The following MCPH1 variants were observed in gnomAD, a reference collection of about 807,000 sequenced individuals.
The protein encoded by MCPH1 is microcephalin 1.
Under a neutral mutation model 84.5 loss-of-function variants are expected in MCPH1, and 104 were observed. That is an observed-to-expected ratio of 1.23 (90% confidence interval 1.05 to 1.45). MCPH1 has a LOEUF of 1.45. Ranked by LOEUF, MCPH1 falls within the 40% of genes most tolerant of loss-of-function variation. The probability of loss-of-function intolerance (pLI) is 0.00; values close to 1 mark genes in which losing one functional copy is unlikely to be tolerated. For synonymous variants in MCPH1, 514 were observed against 366.8 expected (o/e 1.40, Z -4.58); for missense variants, 1,498 against 1,005.7 (o/e 1.49, Z -6.62).
chr8:6,434,039 G>T (rs1284228801), intron 4 of MCPH1, among the ~76,000 whole-genome samples: 1 of 152,134 alleles, frequency 6.6e-6, no homozygotes, highest in African/African-American at 2.4e-5. Flanking sequence ...GCTTTGTGCA[G>T]ATGTTACTTT....
chr8:6,538,686 C>G (rs778827636), intron 12 of MCPH1, among the ~76,000 whole-genome samples: 6 of 152,202 alleles, frequency 3.9e-5, no homozygotes, highest in Non-Finnish European at 8.8e-5. Flanking sequence ...TTTTGTGTTT[C>G]CTTTTGATAT....
intron 12 of MCPH1, among the ~76,000 whole-genome samples, chr8:6,608,821 A>G (rs1331109040): frequency 2.6e-5 from 4 of 152,210 alleles, no homozygotes; most frequent in Non-Finnish European, 5.9e-5. Context: ...GCAGCCCATT[A>G]GCTTCACCTA....
At chr8:6,599,286 G>A (rs1401465497) in intron 12 of MCPH1, among the ~76,000 whole-genome samples, 2 of 152,182 alleles carry the variant, frequency 1.3e-5, no homozygotes, top group East Asian at 3.8e-4. Flanking sequence ...CGATACCTTT[G>A]GAATTTTTTT....
Position 6,643,700 on chromosome 8 carries a change from TTATC to T in MCPH1, c.*655_*658del, listed in dbSNP as rs1326470573. On this transcript the variant is annotated 3_prime_UTR_variant, in exon 14 of 14. Transcript: ENST00000344683. ...CTTAGACTCGATCTTTATTAATACATTATCTATTAGGTAGGAAAGACATTTGTCA... is the reference window on the plus strand; with the variant it reads ...CTTAGACTCGATCTTTATTAATACATTATTAGGTAGGAAAGACATTTGTCA... 3 of 154,026 alleles carry T rather than the reference TTATC, an allele frequency of 1.9e-5. No homozygotes were observed. The highest frequency in any genetic ancestry group is 7.2e-5 in the African/African-American group (3 of 41,468). The allele number at this position is 154,026 out of a possible 1,614,324, so 9.5% of individuals were successfully genotyped here. A position where few individuals can be genotyped will look rare whatever the true frequency, so the allele number is the denominator to read the frequency against.
At chr8:6,630,352 G>C (rs1050638971) in intron 13 of MCPH1, among the ~76,000 whole-genome samples, 1 of 152,210 alleles carries the variant, frequency 6.6e-6, no homozygotes, top group Non-Finnish European at 1.5e-5. Context: ...AATCATAAGA[G>C]AGCATGATGA....
intron 12 of MCPH1, among the ~76,000 whole-genome samples, chr8:6,609,841 G>C (rs550206638): frequency 9.0e-6 from 1 of 110,542 alleles, no homozygotes; most frequent in African/African-American, 3.0e-5. Context: ...CACACAGACT[G>C]CCAGGTAAAC....
At chr8:6,624,250 C>G (rs1476220378) in intron 13 of MCPH1, among the ~76,000 whole-genome samples, 3 of 152,262 alleles carry the variant, frequency 2.0e-5, no homozygotes, top group South Asian at 2.1e-4. Context: ...GCCTCTTTTT[C>G]TTTCCTCCTG....
At chr8:6,628,541 C>G (rs541033437) in intron 13 of MCPH1, among the ~76,000 whole-genome samples, 1 of 149,342 alleles carries the variant, frequency 6.7e-6, no homozygotes, top group African/African-American at 2.5e-5. Flanking sequence ...AGTCAGCTGT[C>G]TATTCAATTC....
At chr8:6,528,624 C>T (rs1351703647) in intron 12 of MCPH1, among the ~76,000 whole-genome samples, 2 of 152,266 alleles carry the variant, frequency 1.3e-5, no homozygotes, top group Non-Finnish European at 2.9e-5. Context: ...GTGGCATGAG[C>T]AGTGCGGCTC....
intron 12 of MCPH1, among the ~76,000 whole-genome samples, chr8:6,610,383 A>T (rs1830158900): frequency 1.3e-5 from 2 of 152,212 alleles, no homozygotes; most frequent in Admixed American, 1.3e-4. Flanking sequence ...TTGGCTACTG[A>T]TTAGAATATC....
At position 6,562,552 on chromosome 8, in the gene MCPH1, C is replaced by CTTTTTTTTTTTTTTTGTTTTTTTTT. The variant is rs1825707447; in HGVS notation, c.2215-58887_2215-58886insGTTTTTTTTTTTTTTTTTTTTTTTT. 2.8e-5 allele frequency: 2 copies of CTTTTTTTTTTTTTTTGTTTTTTTTT among 71,748 alleles called. 1 individual carries two copies. The highest frequency in any genetic ancestry group is 5.2e-5 in the Non-Finnish European group (2 of 38,826). The allele number at this position is 71,748 out of a possible 1,614,324, so 4.4% of individuals were successfully genotyped here. On this transcript the variant is annotated intron_variant, in intron 12 of 13. Transcript: ENST00000344683. ...AGCTCTAATCCTCTTCATCCTCCTT[C>CTTTTTTTTTTTTTTTGTTTTTTTTT]TTTTTTTTTTTTTTTTTTTGGTTGT...
At chr8:6,540,841 T>A (rs936856660) in intron 12 of MCPH1, among the ~76,000 whole-genome samples, 2 of 152,238 alleles carry the variant, frequency 1.3e-5, no homozygotes, top group Admixed American at 6.5e-5. Context: ...GCAGGGTGGT[T>A]CGCACACGTG....
intron 8 of MCPH1, among the ~76,000 whole-genome samples, chr8:6,452,008 G>A (rs1805148274): frequency 6.6e-6 from 1 of 152,194 alleles, no homozygotes; most frequent in Non-Finnish European, 1.5e-5. Flanking sequence ...GAAAATAAAT[G>A]TTAAAAATAA....
intron 10 of MCPH1, among the ~76,000 whole-genome samples, chr8:6,478,858 C>G (rs73661777): frequency 0.012 from 1,770 of 152,286 alleles, 37 homozygotes; most frequent in African/African-American, 0.041. Flanking sequence ...ACTCACACAT[C>G]TTTTCTACCC....
chr8:6,588,432 C>T (rs970034283), intron 12 of MCPH1, among the ~76,000 whole-genome samples: 4 of 151,666 alleles, frequency 2.6e-5, no homozygotes, highest in Admixed American at 6.6e-5. Flanking sequence ...TTTATGATTG[C>T]GAGGAATATT....
intron 13 of MCPH1, among the ~76,000 whole-genome samples, chr8:6,634,480 A>G (rs1308439750): frequency 7.0e-6 from 1 of 142,102 alleles, no homozygotes; most frequent in Non-Finnish European, 1.6e-5. Flanking sequence ...TAAGGATGCC[A>G]AGGACAGAAT....
intron 12 of MCPH1, among the ~76,000 whole-genome samples, chr8:6,585,954 G>A (rs1827944499): frequency 6.6e-6 from 1 of 152,156 alleles, no homozygotes; most frequent in Non-Finnish European, 1.5e-5. Flanking sequence ...AGCAAGTGAA[G>A]CCATCCTTCT....
intron 12 of MCPH1, among the ~76,000 whole-genome samples, chr8:6,600,375 G>T (rs1408925993): frequency 6.6e-6 from 1 of 152,216 alleles, no homozygotes; most frequent in Non-Finnish European, 1.5e-5. Context: ...CAGCGCACAG[G>T]TGGAGGTGTA....
intron 13 of MCPH1, chr8:6,625,647 T>C: frequency 1.0e-6 from 1 of 985,416 alleles, no homozygotes; most frequent in Non-Finnish European, 1.2e-6. Context: ...TTAGAGTAAT[T>C]TGAGCCGGGC....
Sources: allele counts gnomAD v4.1 joint callset (sites outside exome capture counted in the v4.1 genomes callset), GRCh38; gene constraint gnomAD v4.1.1; transcripts MANE v1.5; gene names NCBI Gene and HGNC (gene_info 2026-07-23, HGNC 2026-07-21).